EIF4G3: variants seen among roughly 807,000 people sequenced by gnomAD.
EIF4G3 encodes eukaryotic translation initiation factor 4 gamma 3.
Under a neutral mutation model 186.4 loss-of-function variants are expected in EIF4G3, and 34 were observed. The ratio of observed to expected loss-of-function variants is 0.18; its 90% CI spans 0.14 to 0.24. The LOEUF is 0.24. Among genes scored for constraint, EIF4G3 ranks in the 10% least tolerant of loss-of-function variants. EIF4G3 has a pLI of 1.00. For synonymous variants in EIF4G3, 673 were observed against 679.5 expected (o/e 0.99, Z 0.15); for missense variants, 1,536 against 1,948.5 (o/e 0.79, Z 3.99).
At chr1:21,025,279 A>T (rs1337781399) in intron 4 of EIF4G3, among the ~76,000 whole-genome samples, 1 of 152,188 alleles carries the variant, frequency 6.6e-6, no homozygotes, top group Middle Eastern at 3.2e-3. Flanking sequence ...TAATCCTAGG[A>T]GATGTTGAAC....
chr1:21,068,387 A>ACAAAACAAAAC (rs1419209795), intron 3 of EIF4G3, among the ~76,000 whole-genome samples: 3,347 of 149,238 alleles, frequency 0.022, 168 homozygotes, highest in African/African-American at 0.076. Context: ...AAAAAAAAAA[A>ACAAAACAAAAC]AAAAAAAAAA....
intron 17 of EIF4G3, 130 bp downstream of exon 17, chr1:20,895,238 A>T: frequency 9.2e-7 from 1 of 1,087,280 alleles, no homozygotes; most frequent in Non-Finnish European, 1.3e-6. Context: ...ACAAATTCTT[A>T]AACATTAGAT....
intron 3 of EIF4G3, among the ~76,000 whole-genome samples, chr1:21,051,585 C>T (rs1305174392): frequency 6.6e-6 from 1 of 152,194 alleles, no homozygotes; most frequent in Non-Finnish European, 1.5e-5. Flanking sequence ...GATGCTGTGG[C>T]TTATGCCTGT....
rs148306833 is a variant in EIF4G3, at chr1:20,865,573, A to C, written c.2623-311T>G. On this transcript the variant is annotated intron_variant, in intron 20 of 36. Coordinates refer to ENST00000602326, the MANE Select transcript of EIF4G3 (RefSeq NM_001391906.1). ...TCTAGACCTTATTTAAAAAAAAAAAAAACTGTGTAGAGTTATTACTTCTTT... is the reference window on the plus strand; with the variant it reads ...TCTAGACCTTATTTAAAAAAAAAAACAACTGTGTAGAGTTATTACTTCTTT... 4.6e-5 allele frequency among the ~76,000 whole-genome samples: 7 copies of C among 152,216 alleles called. No homozygotes were observed. In the East Asian group the frequency reaches 5.8e-4, roughly 13 times the overall value.
chr1:20,962,154 T>C (rs1017074162), intron 12 of EIF4G3, among the ~76,000 whole-genome samples: 2 of 152,168 alleles, frequency 1.3e-5, no homozygotes, highest in African/African-American at 4.8e-5. Flanking sequence ...TGAACTACAG[T>C]TGACCCTTGA....
chr1:21,081,419 T>G (rs1415997377), intron 3 of EIF4G3, among the ~76,000 whole-genome samples: 10 of 151,806 alleles, frequency 6.6e-5, no homozygotes, highest in Non-Finnish European at 4.4e-5. Flanking sequence ...GGCGACAGAG[T>G]GAGACTCCAT....
chr1:21,150,664 T>C (rs1005611937), intron 2 of EIF4G3, among the ~76,000 whole-genome samples: 11 of 152,212 alleles, frequency 7.2e-5, no homozygotes, highest in Non-Finnish European at 1.2e-4. Context: ...AAAATAGAAG[T>C]AGCTTTACTT....
At chr1:21,142,644 A>G (rs1374039133) in intron 2 of EIF4G3, among the ~76,000 whole-genome samples, 9 of 152,218 alleles carry the variant, frequency 5.9e-5, no homozygotes, top group Non-Finnish European at 5.9e-5. Flanking sequence ...TTTAAAACTC[A>G]TAATAGCTAA....
At chr1:20,989,931 C>G (rs902596376) in intron 7 of EIF4G3, among the ~76,000 whole-genome samples, 2 of 152,304 alleles carry the variant, frequency 1.3e-5, no homozygotes, top group Non-Finnish European at 1.5e-5. Flanking sequence ...AATCCCAGCA[C>G]TTTGGGAGGC....
chr1:20,924,326 C>G (rs988497697), intron 14 of EIF4G3, among the ~76,000 whole-genome samples: 8 of 152,112 alleles, frequency 5.3e-5, no homozygotes, highest in African/African-American at 1.9e-4. Context: ...AATTTTTCTG[C>G]ACTCTAATGA....
intron 14 of EIF4G3, among the ~76,000 whole-genome samples, chr1:20,911,542 C>T (rs1293518221): frequency 9.6e-6 from 1 of 104,078 alleles, no homozygotes; most frequent in Non-Finnish European, 1.7e-5. Flanking sequence ...GCCTGGGTAA[C>T]AGACTGAGAC....
At position 20,970,465 on chromosome 1, in the gene EIF4G3, T is replaced by C. The variant is rs184575783; in HGVS notation, c.592-869A>G. On this transcript the variant is annotated intron_variant, in intron 11 of 36. Coordinates refer to ENST00000602326, the MANE Select transcript of EIF4G3 (RefSeq NM_001391906.1). ...CATCTCTACTAACAATACAAAAAAT[T>C]AGCTGGGCGTGGTAGCACATGCCTG... Among the ~76,000 whole-genome samples, 4 of 151,240 alleles carry C rather than the reference T, an allele frequency of 2.6e-5. No individual in the cohort carries two copies. In the East Asian group the frequency reaches 7.8e-4, roughly 30 times the overall value.
intron 19 of EIF4G3, among the ~76,000 whole-genome samples, chr1:20,881,700 C>G (rs2082370967): frequency 6.6e-6 from 1 of 151,836 alleles, no homozygotes; most frequent in Non-Finnish European, 1.5e-5. Context: ...GGAGGGAGGA[C>G]TGCCTGAGCC....
At chr1:21,111,666 AC>A (rs1311638869) in intron 2 of EIF4G3, 2 of 160,606 alleles carry the variant, frequency 1.2e-5, no homozygotes, top group Non-Finnish European at 2.8e-5. Context: ...ATCATGACAT[AC>A]AAAAAAGAAA....
intron 4 of EIF4G3, among the ~76,000 whole-genome samples, chr1:21,010,352 G>A (rs145495888): frequency 1.0e-4 from 15 of 146,574 alleles, no homozygotes; most frequent in East Asian, 4.0e-4. Context: ...CCCAGGAGGC[G>A]AAGGTTGCAG....
chr1:20,899,179 A>G (rs755551096), intron 16 of EIF4G3, among the ~76,000 whole-genome samples: 1 of 152,216 alleles, frequency 6.6e-6, no homozygotes, highest in African/African-American at 2.4e-5. Context: ...TCCAGGGTTT[A>G]TATTTGTTTA....
rs577591341 is a variant in EIF4G3, at chr1:21,024,652, C to T, written c.-66-21844G>A. On this transcript the variant is annotated intron_variant, in intron 4 of 36. Transcript: ENST00000602326. The stretch of plus-strand genomic sequence containing the variant: ...CACTCAGGGTTAAATGGATTAAGGG[C>T]GGTGCAAGATGTGCTTTGTTAAACA... 5.0e-3 allele frequency among the ~76,000 whole-genome samples: 751 copies of T among 150,074 alleles called. 6 individuals carry two copies. Among genetic ancestry groups the T allele is most frequent in the African/African-American group, 0.017 (711 of 40,732 alleles).
chr1:20,845,787 CCTTT>C (rs2070773415), intron 29 of EIF4G3, among the ~76,000 whole-genome samples: 1 of 152,066 alleles, frequency 6.6e-6, no homozygotes. Context: ...TATTTGGGCT[CCTTT>C]TTTTGGTTCC....
At chr1:21,111,237 A>G (rs543830163) in intron 2 of EIF4G3, 1 of 461,674 alleles carries the variant, frequency 2.2e-6, no homozygotes, top group South Asian at 1.6e-5. Context: ...CCTGAGTACT[A>G]ACAAGTGGCA....
Sources: allele counts gnomAD v4.1 joint callset (sites outside exome capture counted in the v4.1 genomes callset), GRCh38; gene constraint gnomAD v4.1.1; transcripts MANE v1.5; gene names NCBI Gene and HGNC (gene_info 2026-07-23, HGNC 2026-07-21).